The following RAI14 variants were observed in gnomAD, a reference collection of about 807,000 sequenced individuals.
The protein encoded by RAI14 is retinoic acid induced 14.
A neutral mutation model predicts 115.4 loss-of-function variants in RAI14; 45 were observed. That is an observed-to-expected ratio of 0.39 (90% confidence interval 0.31 to 0.50). The LOEUF (loss-of-function observed/expected upper bound fraction) is 0.50, where lower values mean the gene tolerates loss of function less well. RAI14 is among the 20% of genes least tolerant of loss of function. RAI14 has a pLI of 0.85. For synonymous variants in RAI14, 371 were observed against 415.4 expected (o/e 0.89, Z 1.30); for missense variants, 939 against 1,131.2 (o/e 0.83, Z 2.44).
intron 2 of RAI14, among the ~76,000 whole-genome samples, chr5:34,708,125 A>G (rs1182578134): frequency 6.6e-6 from 1 of 152,212 alleles, no homozygotes; most frequent in Non-Finnish European, 1.5e-5. Flanking sequence ...GTGTTATCTA[A>G]ATATAAAGAT....
chr5:34,805,257 G>GGTTAAAAC (rs1382026477), intron 5 of RAI14, among the ~76,000 whole-genome samples: 26 of 152,256 alleles, frequency 1.7e-4, no homozygotes, highest in Admixed American at 1.1e-3. Flanking sequence ...TAAAACCTCA[G>GGTTAAAAC]CTGTGTCCTC....
intron 2 of RAI14, among the ~76,000 whole-genome samples, chr5:34,742,651 GT>G (rs113457623): frequency 2.6e-5 from 4 of 151,084 alleles, no homozygotes; most frequent in Non-Finnish European, 5.9e-5. Context: ...GCTGTTTTTT[GT>G]TTTTTTTGTT....
chr5:34,830,663 AG>A (rs1269553183), intron 17 of RAI14, 24 bp from the exon 18 acceptor site: 1 of 1,613,768 alleles, frequency 6.2e-7, no homozygotes, highest in Non-Finnish European at 8.5e-7. Flanking sequence ...GGTTCTAATG[AG>A]TATCTTGTGT....
chr5:34,750,368 G>A (rs1367048976), intron 2 of RAI14, among the ~76,000 whole-genome samples: 1 of 152,158 alleles, frequency 6.6e-6, no homozygotes, highest in Non-Finnish European at 1.5e-5. Context: ...AAGTTTTTGT[G>A]TGGATGTGCA....
chr5:34,789,451 G>A (rs568544136), intron 3 of RAI14, among the ~76,000 whole-genome samples: 100 of 152,338 alleles, frequency 6.6e-4, no homozygotes, highest in African/African-American at 2.3e-3. Context: ...GATCACTTCC[G>A]TGAGAGGTGC....
intron 2 of RAI14, among the ~76,000 whole-genome samples, chr5:34,725,939 G>A (rs1178883058): frequency 7.7e-6 from 1 of 130,174 alleles, no homozygotes; most frequent in African/African-American, 3.0e-5. Flanking sequence ...TCTAGCCTGG[G>A]CAACAGGAGC....
intron 2 of RAI14, among the ~76,000 whole-genome samples, chr5:34,721,147 T>C (rs1742665751): frequency 6.6e-6 from 1 of 151,994 alleles, no homozygotes; most frequent in South Asian, 2.1e-4. Flanking sequence ...ATTGCCTTTT[T>C]TTCCTTCCCT....
chr5:34,814,104 G>A (rs552978406), intron 11 of RAI14, among the ~76,000 whole-genome samples: 1 of 152,084 alleles, frequency 6.6e-6, no homozygotes, highest in Non-Finnish European at 1.5e-5. Context: ...TTTAAGGTTG[G>A]CTAATATTAA....
intron 2 of RAI14, among the ~76,000 whole-genome samples, chr5:34,739,821 G>A (rs1406184803): frequency 1.3e-5 from 2 of 152,162 alleles, no homozygotes; most frequent in African/African-American, 2.4e-5. Flanking sequence ...CAGCACTTTG[G>A]GAGGCCGAGG....
intron 2 of RAI14, among the ~76,000 whole-genome samples, chr5:34,718,626 G>A (rs1031723235): frequency 2.0e-5 from 3 of 152,350 alleles, no homozygotes; most frequent in African/African-American, 7.2e-5. Context: ...AAGCCCCCAG[G>A]TTGGGATCTA....
At chr5:34,695,064 G>A (rs28624608) in intron 2 of RAI14, among the ~76,000 whole-genome samples, 27,344 of 151,924 alleles carry the variant, frequency 0.18, 2,691 homozygotes, top group East Asian at 0.3. Context: ...ATACCCGGCT[G>A]ATTTTTTGTA....
chr5:34,750,596 T>G (rs907580592), intron 2 of RAI14, among the ~76,000 whole-genome samples: 1 of 152,108 alleles, frequency 6.6e-6, no homozygotes, highest in African/African-American at 2.4e-5. Context: ...GTGTTTTGTA[T>G]GCCTCAAGGG....
At chr5:34,671,110 A>G (rs1475798977) in intron 1 of RAI14, among the ~76,000 whole-genome samples, 1 of 152,184 alleles carries the variant, frequency 6.6e-6, no homozygotes, top group East Asian at 1.9e-4. Context: ...AGTAAAAGCT[A>G]TAGCTTCTTA....
At chr5:34,808,701 A>G (rs778280329) in intron 7 of RAI14, 47 bp downstream of exon 7, 2 of 1,551,722 alleles carry the variant, frequency 1.3e-6, no homozygotes, top group Admixed American at 1.7e-5. Context: ...ATTGGTTTCT[A>G]GAGCTCAATG....
chr5:34,677,166 T>C (rs1744046118), intron 1 of RAI14, among the ~76,000 whole-genome samples: 1 of 67,376 alleles, frequency 1.5e-5, no homozygotes, highest in Admixed American at 1.5e-4. Flanking sequence ...TTTCTATTTT[T>C]TTTTTTTTTT....
rs1743069547 is a variant in RAI14, at chr5:34,665,163, A to ATATATGTATGTG, written c.-49+8693_-49+8694insGTATGTGTATAT. Among the ~76,000 whole-genome samples, 2 of 32,608 alleles carry ATATATGTATGTG rather than the reference A, an allele frequency of 6.1e-5. 1 individual carries two copies. Among genetic ancestry groups the ATATATGTATGTG allele is most frequent in the Non-Finnish European group, 1.3e-4 (2 of 15,164 alleles). The allele number at this position is 32,608 out of a possible 152,430, so 21.4% of individuals were successfully genotyped here. A position where few individuals can be genotyped will look rare whatever the true frequency, so the allele number is the denominator to read the frequency against. On this transcript the variant is annotated intron_variant, in intron 1 of 17. Transcript: ENST00000265109. ...TATACACATATATATGTGTGTGTAT[A>ATATATGTATGTG]TATATATATACACACATATATATAT... is the stretch of plus-strand genomic sequence containing the variant.
intron 2 of RAI14, 111 bp from the exon 3 acceptor site, chr5:34,757,357 G>C (rs1163640983): frequency 1.6e-6 from 2 of 1,239,028 alleles, no homozygotes; most frequent in East Asian, 2.4e-5. Context: ...TCGGGAGCAG[G>C]CTTTAATTTG....
In RAI14 at chr5:34,832,238, T is replaced by C. The variant is rs1273759498; in HGVS notation, c.*1473T>C. 1 of 152,662 alleles carries C rather than the reference T, an allele frequency of 6.6e-6. No individual in the cohort carries two copies. The highest frequency in any genetic ancestry group is 1.5e-5 in the Non-Finnish European group (1 of 68,044). 9.5% of individuals were successfully genotyped at this position (152,662 alleles called of 1,614,324 possible). A position where few individuals can be genotyped will look rare whatever the true frequency, so the allele number is the denominator to read the frequency against. On this transcript the variant is annotated 3_prime_UTR_variant, in exon 18 of 18. Transcript: ENST00000265109. ...GGCTGTGCTGGATGATATGTTGATC[T>C]GTATTGGATAAGGACCAATGACAGC...
intron 2 of RAI14, among the ~76,000 whole-genome samples, chr5:34,740,459 T>G (rs901789063): frequency 6.6e-6 from 1 of 152,242 alleles, no homozygotes; most frequent in African/African-American, 2.4e-5. Flanking sequence ...GAGAATCCCT[T>G]GTGATCTTTA....
Sources: gnomAD v4.1 joint callset for allele counts (sites outside exome capture counted in the v4.1 genomes callset) on GRCh38, gnomAD v4.1.1 for gene constraint, MANE v1.5 for transcripts, NCBI Gene and HGNC (gene_info 2026-07-23, HGNC 2026-07-21) for gene names.